The following KIAA0753 variants were observed in gnomAD, a reference collection of about 807,000 sequenced individuals.
The protein encoded by KIAA0753 is protein moonraker.
A neutral mutation model predicts 116.9 loss-of-function variants in KIAA0753; 114 were observed. That is an observed-to-expected ratio of 0.98 (90% CI 0.84 to 1.14). The LOEUF (loss-of-function observed/expected upper bound fraction) is 1.14. Ranked by LOEUF, KIAA0753 falls within the 50% of genes most tolerant of loss-of-function variation. The probability of loss-of-function intolerance (pLI) is 0.00; values close to 1 mark genes in which losing one functional copy is unlikely to be tolerated. For missense variants in KIAA0753, 1,156 were observed against 1,172.4 expected, an observed-to-expected ratio of 0.99 and a Z score of 0.20; for synonymous variants, 405 against 413.1, an observed-to-expected ratio of 0.98 and a Z score of 0.24.
intron 18 of KIAA0753, among the ~76,000 whole-genome samples, chr17:6,586,179 T>C (rs1313214398): frequency 2.0e-5 from 3 of 152,226 alleles, no homozygotes; most frequent in African/African-American, 4.8e-5. Context: ...TTCCCCACTT[T>C]GTCTTCTGCC....
intron 16 of KIAA0753, among the ~76,000 whole-genome samples, chr17:6,591,379 T>C (rs969828594): frequency 5.9e-5 from 9 of 152,350 alleles, no homozygotes; most frequent in East Asian, 1.9e-4. Context: ...AGAAGTACGA[T>C]ATAAGTCAGC....
chr17:6,590,543 A>G lies in KIAA0753; in HGVS notation c.2528T>C (p.Val843Ala). 1 of 1,614,102 alleles carries G rather than the reference A, an allele frequency of 6.2e-7. No individual in the cohort carries two copies. Among genetic ancestry groups the G allele is most frequent in the South Asian group, 1.1e-5 (1 of 91,082 alleles). Reference sequence around the variant, plus strand: ...ACAGGGCCTTTCTAACATGATGTTCACGGCTGGATCCTTGCGATCCACTGT... The same window carrying G: ...ACAGGGCCTTTCTAACATGATGTTCGCGGCTGGATCCTTGCGATCCACTGT... The part of the protein sequence containing the change: ...TKTVDRKDPA[V>A]NIMLERPCNG... Residue 843 changes from valine to alanine, a missense_variant, in exon 17 of 19, where the codon GTG becomes GCG. Physicochemically the swap from Val to Ala is moderately conservative, Grantham distance 64 (BLOSUM62 0). Transcript: ENST00000361413.
At chr17:6,604,089 C>A (rs760269678) in intron 12 of KIAA0753, among the ~76,000 whole-genome samples, 1 of 152,140 alleles carries the variant, frequency 6.6e-6, no homozygotes, top group African/African-American at 2.4e-5. Flanking sequence ...TGGAACAAAG[C>A]GAAACAAAAC....
Position 6,608,503 on chromosome 17 carries a change from C to G in KIAA0753, c.1713-39G>C, listed in dbSNP as rs149005420. 4.3e-4 allele frequency: 511 copies of G among 1,194,922 alleles called. 3 individuals are homozygous for G. In the African/African-American group the frequency reaches 6.6e-3, roughly 15 times the overall value. 74.0% of individuals were successfully genotyped at this position (1,194,922 alleles called of 1,614,324 possible). A position where few individuals can be genotyped will look rare whatever the true frequency, so the allele number is the denominator to read the frequency against. On this transcript the variant is annotated intron_variant, in intron 9 of 18. Coordinates refer to ENST00000361413, the MANE Select transcript of KIAA0753 (RefSeq NM_014804.3). ...AAAAGCATACCTTTGTCATCATTCACTCCGTATCCAATGACTCATCCAAGT... is the reference window on the plus strand; with the variant it reads ...AAAAGCATACCTTTGTCATCATTCAGTCCGTATCCAATGACTCATCCAAGT...
At chr17:6,624,986 G>A in intron 3 of KIAA0753, 125 bp from the exon 4 acceptor site, 1 of 673,012 alleles carries the variant, frequency 1.5e-6, no homozygotes, top group South Asian at 1.9e-5. Context: ...AAAAAAATGA[G>A]GCTATCATAA....
At chr17:6,595,545 T>C (rs2150771595) in intron 15 of KIAA0753, among the ~76,000 whole-genome samples, 1 of 152,276 alleles carries the variant, frequency 6.6e-6, no homozygotes, top group African/African-American at 2.4e-5. Context: ...AAAGCAGAAA[T>C]TAGATTTAAT....
At chr17:6,632,840 A>G (rs1208308118) in intron 2 of KIAA0753, among the ~76,000 whole-genome samples, 1 of 152,214 alleles carries the variant, frequency 6.6e-6, no homozygotes, top group Non-Finnish European at 1.5e-5. Context: ...AAATCCACAA[A>G]TAACTGGCCT....
chr17:6,610,877 C>G (rs557109784), intron 8 of KIAA0753, among the ~76,000 whole-genome samples: 8 of 152,244 alleles, frequency 5.3e-5, no homozygotes, highest in African/African-American at 1.7e-4. Flanking sequence ...GAGAGGCGCA[C>G]CCATCTGAAT....
At chr17:6,589,422 C>T (rs1159903491) in intron 18 of KIAA0753, among the ~76,000 whole-genome samples, 1 of 150,986 alleles carries the variant, frequency 6.6e-6, no homozygotes, top group Non-Finnish European at 1.5e-5. Context: ...GTCACGCAGT[C>T]GATGGTATTC....
chr17:6,607,964 G>T (rs115527341), intron 10 of KIAA0753, among the ~76,000 whole-genome samples: 1 of 152,132 alleles, frequency 6.6e-6, no homozygotes, highest in Non-Finnish European at 1.5e-5. Flanking sequence ...GTTACATACC[G>T]TGTTCTATCT....
At chr17:6,586,567 T>C (rs926385166) in intron 18 of KIAA0753, among the ~76,000 whole-genome samples, 3 of 152,364 alleles carry the variant, frequency 2.0e-5, no homozygotes, top group Admixed American at 2.0e-4. Flanking sequence ...TTATTCATTC[T>C]TGTAGTGACA....
intron 16 of KIAA0753, among the ~76,000 whole-genome samples, chr17:6,592,445 GTAACCGA>G (rs1286455578): frequency 6.6e-6 from 1 of 152,146 alleles, no homozygotes; most frequent in Non-Finnish European, 1.5e-5. Context: ...GAGTAAGGCA[GTAACCGA>G]TAAGCACAAG....
At chr17:6,600,615 A>G (rs1393735220) in intron 12 of KIAA0753, among the ~76,000 whole-genome samples, 157 bp from the exon 13 acceptor site, 1 of 152,194 alleles carries the variant, frequency 6.6e-6, no homozygotes, top group African/African-American at 2.4e-5. Context: ...GTGAAAATGT[A>G]GATTCCAATT....
chr17:6,637,016 GACAGCT>G (rs1251995431), intron 1 of KIAA0753: 1 of 152,332 alleles, frequency 6.6e-6, no homozygotes, highest in Admixed American at 6.5e-5. Flanking sequence ...AAAGACCTTG[GACAGCT>G]CCATAACCTG....
Position 6,628,468 on chromosome 17 carries a change from T to C in KIAA0753, c.367A>G (p.Arg123Gly). ...TTCTGAGAGCTTTGAGGCTGACTTC[T>C]GAGATGATGTTCTTTTATATGTTTT... ...FEKHIKEHHL[R>G]SQPQSSQKCG... is the part of the protein sequence containing the mutation. The change falls in exon 3 of 19, where the codon AGA becomes GGA. Residue 123 changes from arginine (R) to glycine (G), a missense_variant. Transcript: ENST00000361413. 9 of 1,614,250 alleles carry C rather than the reference T, an allele frequency of 5.6e-6. No individual in the cohort carries two copies. Among genetic ancestry groups the C allele is most frequent in the Non-Finnish European group, 7.6e-6 (9 of 1,180,048 alleles).
At chr17:6,583,556 C>T (rs538682908) in intron 18 of KIAA0753, among the ~76,000 whole-genome samples, 3 of 152,128 alleles carry the variant, frequency 2.0e-5, no homozygotes, top group South Asian at 2.1e-4. Context: ...TGTGTGTCTC[C>T]GGGAATCACT....
At position 6,607,132 on chromosome 17, in the gene KIAA0753, T is replaced by C. The variant is rs374895156; in HGVS notation, c.1919+49A>G. 5.5e-6 allele frequency: 8 copies of C among 1,453,228 alleles called. No individual in the cohort carries two copies. In the East Asian group the frequency reaches 1.6e-4, roughly 29 times the overall value. 90.0% of individuals were successfully genotyped at this position (1,453,228 alleles called of 1,614,324 possible). On this transcript the variant is annotated intron_variant, in intron 11 of 18. Coordinates refer to ENST00000361413, the MANE Select transcript of KIAA0753 (RefSeq NM_014804.3). ...TCTATTTATCATTAATGTATAGAGA[T>C]GTAGAATAGGCCTGCTTACCTTTTC... is the stretch of plus-strand genomic sequence containing the variant.
intron 14 of KIAA0753, among the ~76,000 whole-genome samples, chr17:6,598,091 A>C (rs560447684): frequency 3.9e-5 from 6 of 152,322 alleles, no homozygotes; most frequent in Admixed American, 3.9e-4. Context: ...CTAATATACA[A>C]GGCTGATCAT....
rs116706105 is a variant in KIAA0753 at position 6,611,027 on chromosome 17, C to T, written c.1546-867G>A. On this transcript the variant is annotated intron_variant, in intron 8 of 18. Transcript: ENST00000361413. ...GCTAACTCTCCTTTTCTGGAGGCCA[C>T]CTGAAAATAAACAGATTTGCTAAAG... 3.1e-3 allele frequency among the ~76,000 whole-genome samples: 468 copies of T among 152,232 alleles called. 5 individuals carry two copies. Among genetic ancestry groups the T allele is most frequent in the African/African-American group, 0.011 (452 of 41,540 alleles).
Sources: allele counts gnomAD v4.1 joint callset (sites outside exome capture counted in the v4.1 genomes callset), GRCh38; gene constraint gnomAD v4.1.1; transcripts MANE v1.5; gene names NCBI Gene and HGNC (gene_info 2026-07-23, HGNC 2026-07-21).